Variants in WASHC3 observed in about 807,000 individuals in gnomAD.
WASHC3 encodes the protein WASH complex subunit 3.
In WASHC3, 24 loss-of-function variants were observed where a neutral mutation model predicts 26.1. The ratio of observed to expected loss-of-function variants is 0.92; its 90% CI spans 0.66 to 1.29. WASHC3 has a LOEUF of 1.29. Ranked by LOEUF, WASHC3 falls within the 50% of genes most tolerant of loss-of-function variation. WASHC3 has a pLI of 0.00. For synonymous variants in WASHC3, 77 were observed against 75.7 expected (o/e 1.02, Z -0.09); for missense variants, 214 against 229.6 (o/e 0.93, Z 0.44).
At chr12:102,026,151 T>C in intron 5 of WASHC3, 113 bp from the exon 6 acceptor site, 2 of 617,588 alleles carry the variant, frequency 3.2e-6, no homozygotes, top group Non-Finnish European at 5.6e-6. Context: ...GTTCTTATTC[T>C]ACTTTAAAAT....
At chr12:102,062,071 G>A, upstream of WASHC3, 1 of 896,944 alleles carries the variant, frequency 1.1e-6, no homozygotes, top group Non-Finnish European at 1.7e-6. Flanking sequence ...CCGCCTCCGG[G>A]GCCCTTCCCG....
intron 5 of WASHC3, among the ~76,000 whole-genome samples, chr12:102,030,834 A>G (rs547108569): frequency 3.3e-5 from 5 of 152,342 alleles, no homozygotes; most frequent in Admixed American, 3.3e-4. Flanking sequence ...CATGGCCAGT[A>G]CTTCCTTCAC....
At chr12:102,055,477 G>A (rs10860838) in intron 2 of WASHC3, among the ~76,000 whole-genome samples, 20 of 151,850 alleles carry the variant, frequency 1.3e-4, no homozygotes, top group Non-Finnish European at 1.2e-4. Flanking sequence ...TCCCAAGTAG[G>A]TGGGAATACA....
At chr12:102,054,167 A>T (rs976538383) in intron 2 of WASHC3, among the ~76,000 whole-genome samples, 4 of 152,240 alleles carry the variant, frequency 2.6e-5, no homozygotes, top group Admixed American at 2.6e-4. Flanking sequence ...AGTGGAAGAA[A>T]GGAACAAAAG....
intron 3 of WASHC3, among the ~76,000 whole-genome samples, chr12:102,044,776 C>T (rs1878087830): frequency 6.6e-6 from 1 of 151,928 alleles, no homozygotes. Context: ...TATGTTTCTT[C>T]TATGCAAAAA....
intron 5 of WASHC3, among the ~76,000 whole-genome samples, chr12:102,033,030 T>C (rs1489713082): frequency 1.3e-5 from 2 of 152,176 alleles, no homozygotes; most frequent in African/African-American, 4.8e-5. Flanking sequence ...AAGGAGTTTA[T>C]ATTGATTAAA....
rs76949972 is a variant in WASHC3 at position 102,052,273 on chromosome 12, G to A, written c.151-6154C>T. ...ATGGAGAGAGATACCCTCCAGGTGG[G>A]CGAAGGAGAGGCAGTGAGCACAGGA... On this transcript the variant is annotated intron_variant, in intron 2 of 6. Transcript: ENST00000240079. Among the ~76,000 whole-genome samples the A allele has an allele frequency of 6.0e-3, 910 of 152,300 alleles. 4 individuals carry two copies. Among genetic ancestry groups the A allele is most frequent in the African/African-American group, 0.021 (866 of 41,556 alleles).
At chr12:102,016,116 C>G (rs992326497) in intron 6 of WASHC3, among the ~76,000 whole-genome samples, 1 of 152,156 alleles carries the variant, frequency 6.6e-6, no homozygotes, top group African/African-American at 2.4e-5. Flanking sequence ...TCTTGAACTC[C>G]TGACCTCAAG....
chr12:102,044,044 T>A (rs1371227432), intron 4 of WASHC3, 61 bp downstream of exon 4: 6 of 696,144 alleles, frequency 8.6e-6, no homozygotes, highest in Non-Finnish European at 1.4e-5. Context: ...CCTTCCAACC[T>A]GCTGCTTAAC....
intron 2 of WASHC3, among the ~76,000 whole-genome samples, chr12:102,059,290 A>G (rs1169346822): frequency 6.6e-6 from 1 of 152,216 alleles, no homozygotes; most frequent in Non-Finnish European, 1.5e-5. Flanking sequence ...TCAAAACATC[A>G]TGTTGTACAT....
chr12:102,056,917 G>A (rs912978661), intron 2 of WASHC3, among the ~76,000 whole-genome samples: 3 of 152,066 alleles, frequency 2.0e-5, no homozygotes, highest in Admixed American at 2.0e-4. Flanking sequence ...CTCAATTTAG[G>A]AGGCCAGCAT....
intron 2 of WASHC3, among the ~76,000 whole-genome samples, chr12:102,057,884 A>G (rs1364868983): frequency 6.6e-6 from 1 of 151,998 alleles, no homozygotes; most frequent in Non-Finnish European, 1.5e-5. Context: ...TTCCAATAAT[A>G]TTTTCACAGT....
chr12:102,044,028 TTTC>T, intron 4 of WASHC3, 74 bp downstream of exon 4: 1 of 588,598 alleles, frequency 1.7e-6, no homozygotes, highest in African/African-American at 1.9e-5. Flanking sequence ...CATGTTTATT[TTTC>T]TTCCTTCCAA....
intron 5 of WASHC3, among the ~76,000 whole-genome samples, chr12:102,033,760 C>T (rs1467252939): frequency 6.7e-6 from 1 of 148,758 alleles, no homozygotes; most frequent in Non-Finnish European, 1.5e-5. Flanking sequence ...TTTTTTGAGA[C>T]TATGTCATCT....
In WASHC3 at chr12:102,018,450, A is replaced by G. The variant is rs76164489; in HGVS notation, c.501-5258T>C. The stretch of plus-strand genomic sequence containing the variant: ...TGCACAGGGGCTCCAATTTCTTCAT[A>G]TCCTTACCAGTACTTATTGTCTTTG... On this transcript the variant is annotated intron_variant, in intron 6 of 6. Coordinates refer to ENST00000240079, the MANE Select transcript of WASHC3 (RefSeq NM_016053.4). Among the ~76,000 whole-genome samples, 698 of 152,228 alleles carry G rather than the reference A, an allele frequency of 4.6e-3. 8 individuals carry two copies. The East Asian group carries it at 0.048, about 10-fold the overall frequency.
chr12:102,031,929 A>G (rs1386645261), intron 5 of WASHC3, among the ~76,000 whole-genome samples: 1 of 152,172 alleles, frequency 6.6e-6, no homozygotes, highest in Non-Finnish European at 1.5e-5. Flanking sequence ...ATCACTGATG[A>G]GGAAACTACC....
intron 1 of WASHC3, 126 bp downstream of exon 1, chr12:102,061,785 AG>A: frequency 1.4e-6 from 1 of 722,984 alleles, no homozygotes; most frequent in African/African-American, 1.8e-5. Context: ...GAGGCCCCAC[AG>A]GCCTGTCACA....
chr12:102,029,997 A>C (rs1023963071), intron 5 of WASHC3, among the ~76,000 whole-genome samples: 3 of 152,146 alleles, frequency 2.0e-5, no homozygotes, highest in Admixed American at 2.0e-4. Context: ...AGTCCTATTT[A>C]AAAAATACTT....
intron 2 of WASHC3, among the ~76,000 whole-genome samples, chr12:102,049,596 A>C (rs1254973201): frequency 6.6e-6 from 1 of 152,170 alleles, no homozygotes; most frequent in Non-Finnish European, 1.5e-5. Context: ...GGAAATATGG[A>C]GTTACTAGTT....
Sources: allele counts gnomAD v4.1 joint callset (sites outside exome capture counted in the v4.1 genomes callset), GRCh38; gene constraint gnomAD v4.1.1; transcripts MANE v1.5; gene names NCBI Gene and HGNC (gene_info 2026-07-23, HGNC 2026-07-21).